Variants in MGAT4C observed in about 807,000 individuals in gnomAD.
The protein encoded by MGAT4C is alpha-1,3-mannosyl-glycoprotein 4-beta-N-acetylglucosaminyltransferase C.
In MGAT4C, 19 loss-of-function variants were observed where a neutral mutation model predicts 40.1. That is an observed-to-expected ratio of 0.47 (90% confidence interval 0.33 to 0.70). The LOEUF is 0.70. Among genes scored for constraint, MGAT4C ranks in the 30% least tolerant of loss-of-function variants. The pLI, the probability that MGAT4C is intolerant of heterozygous loss-of-function variation, is 0.02. For synonymous variants in MGAT4C, 181 were observed against 187.1 expected, an observed-to-expected ratio of 0.97 and a Z score of 0.27; for missense variants, 491 against 563.2, an observed-to-expected ratio of 0.87 and a Z score of 1.30.
chr12:86,647,969 A>C (rs1359343129), intron 2 of MGAT4C, among the ~76,000 whole-genome samples: 1 of 151,812 alleles, frequency 6.6e-6, no homozygotes, highest in Non-Finnish European at 1.5e-5. Flanking sequence ...TTGCCAGTAG[A>C]CCCATGAGGG....
chr12:86,120,668 A>T (rs1879236209), intron 1 of MGAT4C, among the ~76,000 whole-genome samples: 1 of 152,224 alleles, frequency 6.6e-6, no homozygotes. Context: ...ACAGACTTGC[A>T]GCTGAGGATC....
chr12:86,129,315 A>C (rs839181), intron 1 of MGAT4C, among the ~76,000 whole-genome samples: 110,838 of 151,916 alleles, frequency 0.73, 41,352 homozygotes, highest in East Asian at 0.97. Flanking sequence ...TACATTATTT[A>C]TTACTTTTCA....
At chr12:86,080,060 A>G (rs529376228) in intron 1 of MGAT4C, among the ~76,000 whole-genome samples, 1 of 152,108 alleles carries the variant, frequency 6.6e-6, no homozygotes, top group African/African-American at 2.4e-5. Context: ...CTGTTACGCT[A>G]GAGGGCCATA....
intron 1 of MGAT4C, among the ~76,000 whole-genome samples, chr12:86,733,935 G>C (rs1326651502): frequency 6.6e-6 from 1 of 152,082 alleles, no homozygotes; most frequent in Non-Finnish European, 1.5e-5. Context: ...GTGTTCACTT[G>C]AATTTTACAA....
chr12:86,341,503 G>A (rs1025482758), intron 3 of MGAT4C, among the ~76,000 whole-genome samples: 12 of 152,306 alleles, frequency 7.9e-5, no homozygotes, highest in East Asian at 7.7e-4. Context: ...CCAGGGGGCT[G>A]AGCAGCAAAA....
chr12:86,074,976 GC>G (rs1230062742), intron 1 of MGAT4C, among the ~76,000 whole-genome samples: 1 of 151,922 alleles, frequency 6.6e-6, no homozygotes. Flanking sequence ...ATATCGTTGT[GC>G]CCCTGGCCCC....
At chr12:86,051,035 T>G (rs1405863204) in intron 1 of MGAT4C, among the ~76,000 whole-genome samples, 1 of 114,038 alleles carries the variant, frequency 8.8e-6, no homozygotes, top group Non-Finnish European at 1.9e-5. Flanking sequence ...TTGAATCCCA[T>G]GCAAGCATTG....
intron 2 of MGAT4C, among the ~76,000 whole-genome samples, chr12:86,011,579 T>C (rs1425155593): frequency 1.3e-5 from 2 of 152,158 alleles, no homozygotes; most frequent in Admixed American, 6.5e-5. Flanking sequence ...CTTATAATAG[T>C]ATAGTAGAAA....
chr12:86,806,865 G>C (rs1236274990), intron 1 of MGAT4C, among the ~76,000 whole-genome samples: 1 of 151,888 alleles, frequency 6.6e-6, no homozygotes, highest in Non-Finnish European at 1.5e-5. Context: ...GTGGGGTGGG[G>C]GTAGCGGGGG....
intron 2 of MGAT4C, among the ~76,000 whole-genome samples, chr12:86,675,787 G>A (rs1039302098): frequency 5.9e-5 from 9 of 152,050 alleles, no homozygotes; most frequent in Non-Finnish European, 1.2e-4. Context: ...GGATAATGGA[G>A]ATATCCATCA....
chr12:86,766,821 G>A (rs1440400286), intron 1 of MGAT4C, among the ~76,000 whole-genome samples: 6 of 151,954 alleles, frequency 3.9e-5, no homozygotes, highest in Non-Finnish European at 7.4e-5. Context: ...TGAAACCAAC[G>A]AGAACAAAGA....
intron 2 of MGAT4C, among the ~76,000 whole-genome samples, chr12:86,575,579 G>A (rs1960529386): frequency 6.6e-6 from 1 of 151,806 alleles, no homozygotes. Flanking sequence ...TTGTGTATAT[G>A]TATCGTATTT....
At chr12:86,207,202 T>C (rs1367054946) in intron 1 of MGAT4C, among the ~76,000 whole-genome samples, 1 of 152,082 alleles carries the variant, frequency 6.6e-6, no homozygotes, top group Non-Finnish European at 1.5e-5. Context: ...GAGGCTCATA[T>C]AGATTAATTA....
intron 1 of MGAT4C, among the ~76,000 whole-genome samples, chr12:86,059,647 T>C (rs1893741925): frequency 6.6e-6 from 1 of 152,188 alleles, no homozygotes; most frequent in Non-Finnish European, 1.5e-5. Flanking sequence ...GTGGCTTGTA[T>C]AGTTGACAGA....
At chr12:86,248,710 C>T (rs1436097369) in intron 1 of MGAT4C, among the ~76,000 whole-genome samples, 1 of 152,088 alleles carries the variant, frequency 6.6e-6, no homozygotes, top group African/African-American at 2.4e-5. Context: ...TATGTAACTT[C>T]GCCACCTATC....
chr12:86,263,280 A>C (rs543859771), intron 4 of MGAT4C, among the ~76,000 whole-genome samples: 7 of 152,240 alleles, frequency 4.6e-5, no homozygotes, highest in African/African-American at 1.7e-4. Flanking sequence ...CTATCACCCA[A>C]ATACTTTACA....
chr12:86,430,175 C>A (rs996045437), intron 3 of MGAT4C, among the ~76,000 whole-genome samples: 1 of 152,102 alleles, frequency 6.6e-6, no homozygotes, highest in Non-Finnish European at 1.5e-5. Flanking sequence ...AATTTTACTA[C>A]ATTTTATATT....
Position 86,594,782 on chromosome 12 carries a change from T to C in MGAT4C, c.-229+132427A>G, listed in dbSNP as rs74606422. On this transcript the variant is annotated intron_variant, in intron 2 of 7. Transcript: ENST00000548651. ...ATTTATAGAAAACATAACTGAGACA[T>C]AGAGACAACTAAATTGGTTACAACA... 7.9e-5 allele frequency among the ~76,000 whole-genome samples: 12 copies of C among 152,264 alleles called. No homozygotes were observed. The East Asian group carries it at 1.9e-3, about 24-fold the overall frequency.
At chr12:86,431,497 T>C (rs1371185086) in intron 3 of MGAT4C, among the ~76,000 whole-genome samples, 1 of 152,186 alleles carries the variant, frequency 6.6e-6, no homozygotes, top group Admixed American at 6.5e-5. Flanking sequence ...AGTATACTGA[T>C]GGTCCTCCAT....
Sources: gnomAD v4.1 joint callset for allele counts (sites outside exome capture counted in the v4.1 genomes callset) on GRCh38, gnomAD v4.1.1 for gene constraint, MANE v1.5 for transcripts, NCBI Gene and HGNC (gene_info 2026-07-23, HGNC 2026-07-21) for gene names.